Variants in TEC observed in about 807,000 individuals in gnomAD.
The protein encoded by TEC is tec protein tyrosine kinase.
In TEC, 72 loss-of-function variants were observed where a neutral mutation model predicts 93.0. The observed-to-expected ratio is 0.77, with a 90% CI of 0.64 to 0.94. The LOEUF is 0.94. Among genes scored for constraint, TEC ranks in the 40% least tolerant of loss-of-function variants. TEC has a pLI of 0.00. For missense variants in TEC, 630 were observed against 757.9 expected, an observed-to-expected ratio of 0.83 and a Z score of 1.98; for synonymous variants, 249 against 247.7, an observed-to-expected ratio of 1.01 and a Z score of -0.05.
chr4:48,139,635 T>C (rs16861042), intron 15 of TEC, among the ~76,000 whole-genome samples: 3,458 of 152,334 alleles, frequency 0.023, 147 homozygotes, highest in African/African-American at 0.08. Context: ...GAACATACAA[T>C]GTCCTTCTGG....
At chr4:48,156,629 T>A in intron 9 of TEC, 51 bp downstream of exon 9, 1 of 1,503,850 alleles carries the variant, frequency 6.6e-7, no homozygotes, top group Non-Finnish European at 9.1e-7. Flanking sequence ...TATTATGGAC[T>A]CATTAAAATT....
At chr4:48,170,112 C>T (rs1037741238) in intron 5 of TEC, 136 bp downstream of exon 5, 2 of 655,274 alleles carry the variant, frequency 3.1e-6, no homozygotes, top group African/African-American at 3.7e-5. Context: ...ATTTTTCTTA[C>T]AAAACACACC....
chr4:48,186,482 T>C (rs191923321), intron 2 of TEC, among the ~76,000 whole-genome samples: 5,461 of 126,760 alleles, frequency 0.043, 326 homozygotes, highest in African/African-American at 0.15. Context: ...CCGTCTGGGA[T>C]GTGAGGAGCG....
intron 8 of TEC, among the ~76,000 whole-genome samples, chr4:48,160,464 C>T (rs570872019): frequency 6.6e-6 from 1 of 152,180 alleles, no homozygotes; most frequent in East Asian, 1.9e-4. Flanking sequence ...AGGTGGCTCA[C>T]GTCTGTAATG....
At chr4:48,244,353 T>A (rs1289463976) in intron 1 of TEC, among the ~76,000 whole-genome samples, 1 of 152,186 alleles carries the variant, frequency 6.6e-6, no homozygotes, top group South Asian at 2.1e-4. Flanking sequence ...ACAATCATGG[T>A]GGAAGGCAAG....
chr4:48,149,741 C>A (rs745912001), intron 10 of TEC, 51 bp from the exon 11 acceptor site: 2 of 1,544,172 alleles, frequency 1.3e-6, no homozygotes, highest in Non-Finnish European at 1.7e-6. Context: ...AATAGAACTT[C>A]ATTCTTAAGA....
At chr4:48,145,037 G>C (rs1719844586) in intron 14 of TEC, 42 bp downstream of exon 14, 2 of 1,576,214 alleles carry the variant, frequency 1.3e-6, no homozygotes, top group African/African-American at 2.7e-5. Flanking sequence ...GTGTTACAAA[G>C]GAATTCAGCC....
intron 2 of TEC, among the ~76,000 whole-genome samples, chr4:48,227,869 A>G (rs2664017): frequency 0.34 from 51,907 of 152,018 alleles, 9,917 homozygotes; most frequent in African/African-American, 0.52. Flanking sequence ...CTCATCTAGC[A>G]GTGGAAGGAG....
At chr4:48,220,991 A>G (rs1317122898) in intron 2 of TEC, among the ~76,000 whole-genome samples, 1 of 152,246 alleles carries the variant, frequency 6.6e-6, no homozygotes, top group Non-Finnish European at 1.5e-5. Flanking sequence ...TTGGCTACAT[A>G]TGGAGGTTCC....
chr4:48,194,787 AAG>A (rs1317897381), intron 2 of TEC, among the ~76,000 whole-genome samples: 1 of 152,172 alleles, frequency 6.6e-6, no homozygotes, highest in East Asian at 1.9e-4. Context: ...AAAATACTCA[AAG>A]AGAAATACAC....
intron 2 of TEC, among the ~76,000 whole-genome samples, chr4:48,213,833 T>C (rs1722987747): frequency 6.6e-6 from 1 of 152,136 alleles, no homozygotes; most frequent in South Asian, 2.1e-4. Context: ...TTGCCCAGGC[T>C]AGACGTAAAC....
intron 11 of TEC, among the ~76,000 whole-genome samples, chr4:48,148,810 CCT>C (rs1720026890): frequency 6.6e-6 from 1 of 152,128 alleles, no homozygotes; most frequent in South Asian, 2.1e-4. Flanking sequence ...TTTTCCTGAT[CCT>C]CTCTGTCCTC....
rs1376345712 is a variant in TEC, at chr4:48,167,862, T to C, written c.587A>G (p.His196Arg). 15 of 1,613,838 alleles carry C rather than the reference T, an allele frequency of 9.3e-6. No individual in the cohort carries two copies. The highest frequency in any genetic ancestry group is 2.2e-5 in the East Asian group (1 of 44,864). Residue 196 changes from histidine to arginine, a missense_variant, in exon 7 of 18, where the codon CAT (histidine) becomes CGT (arginine). Physicochemically the swap from His to Arg is conservative, Grantham distance 29. This residue lies in a region of TEC where 335 missense variants were observed against 351.5 expected (regional missense o/e 0.95). Transcript: ENST00000381501. Reference sequence around the variant, plus strand: ...TTGGCCTCTCTCTAATCTGAGATCATGTCCTTCTGCTGCTTGGAAATCATA... The same window carrying C: ...TTGGCCTCTCTCTAATCTGAGATCACGTCCTTCTGCTGCTTGGAAATCATA... The part of the protein sequence containing the change: ...AMYDFQAAEG[H>R]DLRLERGQEY...
chr4:48,202,593 A>C (rs1722568468), intron 2 of TEC, among the ~76,000 whole-genome samples: 1 of 152,142 alleles, frequency 6.6e-6, no homozygotes, highest in Non-Finnish European at 1.5e-5. Flanking sequence ...ACTTAACAAC[A>C]ATGGCAATAT....
intron 2 of TEC, among the ~76,000 whole-genome samples, chr4:48,212,975 G>T (rs1296904353): frequency 6.6e-6 from 1 of 152,184 alleles, no homozygotes; most frequent in Non-Finnish European, 1.5e-5. Flanking sequence ...AAACAAATGA[G>T]CTGAGTCCCA....
intron 8 of TEC, among the ~76,000 whole-genome samples, chr4:48,159,882 G>A (rs760327366): frequency 5.3e-5 from 8 of 152,120 alleles, no homozygotes; most frequent in Non-Finnish European, 1.2e-4. Flanking sequence ...GGAACTAAGC[G>A]TGAGAACTCA....
chr4:48,232,500 C>T (rs1723676537), intron 1 of TEC, among the ~76,000 whole-genome samples: 1 of 152,180 alleles, frequency 6.6e-6, no homozygotes, highest in Non-Finnish European at 1.5e-5. Context: ...TACTTACGGG[C>T]TTTCCCTATC....
intron 3 of TEC, 129 bp from the exon 4 acceptor site, chr4:48,171,578 TCCAGAAAAC>T: frequency 1.7e-6 from 1 of 602,238 alleles, no homozygotes; most frequent in Non-Finnish European, 2.7e-6. Flanking sequence ...TAACTTCATA[TCCAGAAAAC>T]CCAGGTTACT....
intron 7 of TEC, 72 bp from the exon 8 acceptor site, chr4:48,163,839 C>T: frequency 1.2e-6 from 1 of 830,934 alleles, no homozygotes; most frequent in South Asian, 1.8e-5. Context: ...AAGATTATTG[C>T]CTTTTGAAAT....
Sources: allele counts gnomAD v4.1 joint callset (sites outside exome capture counted in the v4.1 genomes callset), GRCh38; gene constraint gnomAD v4.1.1; regional missense constraint gnomAD v4.1.1; transcripts MANE v1.5; gene names NCBI Gene and HGNC (gene_info 2026-07-23, HGNC 2026-07-21).